RFX3: variants seen among roughly 807,000 people sequenced by gnomAD.
The protein encoded by RFX3 is transcription factor RFX3.
In RFX3, 14 loss-of-function variants were observed where a neutral mutation model predicts 98.6. The observed-to-expected ratio is 0.14, with a 90% CI of 0.09 to 0.22. The LOEUF (loss-of-function observed/expected upper bound fraction) is 0.22, where lower values mean the gene tolerates loss of function less well. RFX3 is among the 10% of genes least tolerant of loss of function. The pLI is 1.00. For missense variants in RFX3, 639 were observed against 926.9 expected (o/e 0.69, Z 4.03); for synonymous variants, 383 against 328.4 (o/e 1.17, Z -1.80).
chr9:3,425,951 C>G (rs1307154781), intron 1 of RFX3, among the ~76,000 whole-genome samples: 5 of 152,028 alleles, frequency 3.3e-5, no homozygotes, highest in Admixed American at 2.6e-4. Flanking sequence ...AGTTATTGTT[C>G]TTTTCAGTTC....
chr9:3,456,353 A>G (rs1393323573), intron 1 of RFX3, among the ~76,000 whole-genome samples: 1 of 152,188 alleles, frequency 6.6e-6, no homozygotes, highest in Non-Finnish European at 1.5e-5. Flanking sequence ...TGACAAACCT[A>G]TATGCAAAAT....
chr9:3,395,808 T>C (rs904670432), intron 1 of RFX3, among the ~76,000 whole-genome samples: 1 of 152,178 alleles, frequency 6.6e-6, no homozygotes, highest in Non-Finnish European at 1.5e-5. Flanking sequence ...AAAATTCCCA[T>C]TAGCACCTCT....
chr9:3,424,592 C>A (rs1843824103), intron 1 of RFX3, among the ~76,000 whole-genome samples: 2 of 151,588 alleles, frequency 1.3e-5, no homozygotes, highest in Non-Finnish European at 2.9e-5. Flanking sequence ...GATCTCCTGA[C>A]CTCGTGCTCC....
At chr9:3,425,203 C>T (rs1314718866) in intron 1 of RFX3, among the ~76,000 whole-genome samples, 1 of 152,178 alleles carries the variant, frequency 6.6e-6, no homozygotes, top group East Asian at 1.9e-4. Context: ...CACACCACTG[C>T]CCGCCAGCCT....
At chr9:3,266,420 T>C (rs1823637649) in intron 11 of RFX3, 115 bp from the exon 12 acceptor site, 1 of 468,428 alleles carries the variant, frequency 2.1e-6, no homozygotes, top group African/African-American at 2.0e-5. Flanking sequence ...AGAACTCATA[T>C]TGTCCTCATT....
At chr9:3,229,566 AT>A (rs1024159002) in intron 15 of RFX3, among the ~76,000 whole-genome samples, 1 of 152,230 alleles carries the variant, frequency 6.6e-6, no homozygotes, top group African/African-American at 2.4e-5. Context: ...CAATAGTTTG[AT>A]AATTTTCCAA....
intron 2 of RFX3, among the ~76,000 whole-genome samples, chr9:3,368,270 A>G (rs1444885765): frequency 1.3e-5 from 2 of 152,196 alleles, no homozygotes; most frequent in South Asian, 2.1e-4. Flanking sequence ...GAAAATTTTA[A>G]TGATACCAGG....
rs528289800 is a variant in RFX3 at position 3,499,030 on chromosome 9, T to C, written c.-9+26717A>G. On this transcript the variant is annotated intron_variant, in intron 1 of 16. Transcript: ENST00000617270. ...ATTAAAAACAAGTCACACTGAGAGA[T>C]TTCTAACAAAGGGACAAAATGCTAA... Among the ~76,000 whole-genome samples the C allele has an allele frequency of 1.4e-4, 22 of 152,202 alleles. No homozygotes were observed. The East Asian group carries it at 3.7e-3, about 25-fold the overall frequency.
At chr9:3,302,692 C>T (rs962844985) in intron 4 of RFX3, among the ~76,000 whole-genome samples, 8 of 151,558 alleles carry the variant, frequency 5.3e-5, no homozygotes, top group African/African-American at 1.7e-4. Flanking sequence ...TTGATAATGC[C>T]TTCAAATTTT....
intron 1 of RFX3, among the ~76,000 whole-genome samples, chr9:3,405,992 T>C (rs997121381): frequency 6.6e-6 from 1 of 152,150 alleles, no homozygotes; most frequent in Non-Finnish European, 1.5e-5. Context: ...TCTCACTCTG[T>C]TGCCCAGGCT....
At chr9:3,512,634 T>C (rs888545235) in intron 1 of RFX3, among the ~76,000 whole-genome samples, 4 of 151,928 alleles carry the variant, frequency 2.6e-5, no homozygotes, top group African/African-American at 9.7e-5. Context: ...TCAAACCTCA[T>C]ACAATACTAG....
intron 9 of RFX3, among the ~76,000 whole-genome samples, chr9:3,273,930 G>T (rs1233890878): frequency 6.6e-6 from 1 of 151,838 alleles, no homozygotes; most frequent in African/African-American, 2.4e-5. Flanking sequence ...GAACACATGG[G>T]AATGAGAAAT....
chr9:3,470,711 A>T (rs1848704442), intron 1 of RFX3, among the ~76,000 whole-genome samples: 1 of 152,120 alleles, frequency 6.6e-6, no homozygotes, highest in South Asian at 2.1e-4. Context: ...ATCTGTATCT[A>T]TTGTGATTGA....
intron 15 of RFX3, among the ~76,000 whole-genome samples, chr9:3,244,970 C>G (rs190503544): frequency 5.5e-4 from 84 of 152,232 alleles, no homozygotes; most frequent in African/African-American, 7.0e-4. Flanking sequence ...TTTCGGAGAT[C>G]AGAAGTCTAG....
In RFX3 at chr9:3,525,926, AAG is replaced by A. The variant is rs1189123449; in HGVS notation, c.-190_-189del. The A allele has an allele frequency of 0.012, 10,846 of 920,536 alleles. No individual in the cohort carries two copies. Among genetic ancestry groups the A allele is most frequent in the Non-Finnish European group, 0.013 (9,945 of 773,834 alleles). The allele number at this position is 920,536 out of a possible 1,614,324, so 57.0% of individuals were successfully genotyped here. On this transcript the variant is annotated 5_prime_UTR_variant, in exon 1 of 17. Transcript: ENST00000617270. Reference sequence around the variant, plus strand: ...AGGCAACGGTTGCTATAACTCACAAAAGAGAGAGAGAGAGGGAGAGAGAGAGA... The same window carrying A: ...AGGCAACGGTTGCTATAACTCACAAAAGAGAGAGAGAGGGAGAGAGAGAGA...
intron 2 of RFX3, among the ~76,000 whole-genome samples, chr9:3,350,935 G>T (rs937751086): frequency 7.9e-5 from 12 of 152,162 alleles, no homozygotes; most frequent in African/African-American, 2.4e-4. Context: ...GCCAGCCACT[G>T]GGGGAAAGGA....
At chr9:3,235,111 G>T (rs989826698) in intron 15 of RFX3, among the ~76,000 whole-genome samples, 3 of 152,214 alleles carry the variant, frequency 2.0e-5, no homozygotes, top group Admixed American at 6.5e-5. Context: ...TGACAGAAAA[G>T]ATTTCATTAA....
At chr9:3,519,713 T>C (rs900570735) in intron 1 of RFX3, among the ~76,000 whole-genome samples, 1 of 152,164 alleles carries the variant, frequency 6.6e-6, no homozygotes, top group Non-Finnish European at 1.5e-5. Flanking sequence ...TTCACCAGTA[T>C]ACTTATTCTA....
At chr9:3,356,547 T>C (rs1835796310) in intron 2 of RFX3, among the ~76,000 whole-genome samples, 1 of 151,682 alleles carries the variant, frequency 6.6e-6, no homozygotes, top group African/African-American at 2.4e-5. Context: ...GTAGGAAACA[T>C]GTCAAGAAGA....
Sources: gnomAD v4.1 joint callset for allele counts (sites outside exome capture counted in the v4.1 genomes callset) on GRCh38, gnomAD v4.1.1 for gene constraint, MANE v1.5 for transcripts, NCBI Gene and HGNC (gene_info 2026-07-23, HGNC 2026-07-21) for gene names.